The following KCNMA1 variants were observed in gnomAD, a reference collection of about 807,000 sequenced individuals.
KCNMA1 encodes potassium calcium-activated channel subfamily M alpha 1, also known as Calcium-activated potassium channel subunit alpha-1.
KCNMA1 carries 29 observed loss-of-function variants against 140.0 expected under a neutral mutation model. The observed-to-expected ratio is 0.21, with a 90% CI of 0.15 to 0.28. The LOEUF is 0.28. KCNMA1 is among the 10% of genes least tolerant of loss of function. The probability of loss-of-function intolerance (pLI) is 1.00; values close to 1 mark genes in which losing one functional copy is unlikely to be tolerated. For missense variants in KCNMA1, 880 were observed against 1,602.2 expected (o/e 0.55, Z 7.70); for synonymous variants, 612 against 611.9 (o/e 1.00, Z 0.00).
At chr10:77,132,825 T>G (rs2097894258) in intron 5 of KCNMA1, among the ~76,000 whole-genome samples, 3 of 152,160 alleles carry the variant, frequency 2.0e-5, no homozygotes, top group Admixed American at 2.0e-4. Flanking sequence ...AATATATACT[T>G]AGCCAGTTGA....
At chr10:77,138,791 T>G (rs1473924649) in intron 5 of KCNMA1, among the ~76,000 whole-genome samples, 1 of 152,194 alleles carries the variant, frequency 6.6e-6, no homozygotes, top group African/African-American at 2.4e-5. Flanking sequence ...CAGAAACATT[T>G]CCCAGTTCGT....
At chr10:77,299,341 C>T (rs186718892) in intron 2 of KCNMA1, among the ~76,000 whole-genome samples, 1 of 152,200 alleles carries the variant, frequency 6.6e-6, no homozygotes, top group Non-Finnish European at 1.5e-5. Context: ...CATTTTAAAG[C>T]TTGCAGTGAG....
At chr10:77,295,634 A>G (rs2074737310) in intron 2 of KCNMA1, among the ~76,000 whole-genome samples, 1 of 145,354 alleles carries the variant, frequency 6.9e-6, no homozygotes. Flanking sequence ...ACAAAAAATT[A>G]GCCGGGCGCG....
intron 2 of KCNMA1, among the ~76,000 whole-genome samples, chr10:77,279,540 A>G (rs1253968943): frequency 6.6e-6 from 1 of 152,240 alleles, no homozygotes; most frequent in Non-Finnish European, 1.5e-5. Context: ...TCACAGAAGC[A>G]GGGAGATAAA....
chr10:77,607,189 T>C (rs749786851), intron 1 of KCNMA1, among the ~76,000 whole-genome samples: 1 of 152,158 alleles, frequency 6.6e-6, no homozygotes, highest in Non-Finnish European at 1.5e-5. Flanking sequence ...AGAAGCTACG[T>C]GGTATCACTT....
chr10:77,438,616 T>C (rs1442810734), intron 1 of KCNMA1, among the ~76,000 whole-genome samples: 1 of 151,072 alleles, frequency 6.6e-6, no homozygotes, highest in Non-Finnish European at 1.5e-5. Flanking sequence ...CACTACTCTA[T>C]GATATGTTGT....
chr10:76,896,088 G>A (rs182164587), intron 25 of KCNMA1, among the ~76,000 whole-genome samples: 171 of 152,300 alleles, frequency 1.1e-3, no homozygotes, highest in African/African-American at 3.5e-3. Context: ...AGAATTTGCC[G>A]GGCTGGAATT....
intron 2 of KCNMA1, among the ~76,000 whole-genome samples, chr10:77,254,437 G>T (rs1600150398): frequency 1.1e-4 from 16 of 151,934 alleles, no homozygotes; most frequent in Admixed American, 1.0e-3. Flanking sequence ...TGGCCAGGCT[G>T]GTCTCAAACT....
intron 2 of KCNMA1, among the ~76,000 whole-genome samples, chr10:77,305,381 C>T (rs921277556): frequency 6.6e-6 from 1 of 152,130 alleles, no homozygotes; most frequent in Non-Finnish European, 1.5e-5. Context: ...AGGTTGAGGG[C>T]ATGGGTCTCA....
intron 23 of KCNMA1, among the ~76,000 whole-genome samples, chr10:76,936,600 T>C (rs1207834057): frequency 2.0e-5 from 3 of 152,146 alleles, no homozygotes; most frequent in African/African-American, 7.2e-5. Flanking sequence ...AAATGTTATA[T>C]GGGAGCAGCT....
At chr10:77,423,010 G>C (rs1214654801) in intron 1 of KCNMA1, among the ~76,000 whole-genome samples, 1 of 152,216 alleles carries the variant, frequency 6.6e-6, no homozygotes, top group Non-Finnish European at 1.5e-5. Flanking sequence ...TCTGGCCAAG[G>C]CCTTATTCTT....
chr10:76,883,907 G>A, downstream of KCNMA1: 2 of 626,058 alleles, frequency 3.2e-6, no homozygotes. Flanking sequence ...TAGTAATTTT[G>A]GCAAATAAAA....
intron 2 of KCNMA1, among the ~76,000 whole-genome samples, chr10:77,390,207 C>T (rs2095764779): frequency 6.6e-6 from 1 of 152,212 alleles, no homozygotes; most frequent in African/African-American, 2.4e-5. Flanking sequence ...AGGGAATTGA[C>T]TTGTCCAAGG....
At chr10:77,515,456 T>C (rs1407262635) in intron 1 of KCNMA1, among the ~76,000 whole-genome samples, 2 of 152,014 alleles carry the variant, frequency 1.3e-5, no homozygotes, top group Non-Finnish European at 2.9e-5. Context: ...CTCTCATAGG[T>C]AGGATGGGGT....
chr10:77,313,124 G>A (rs547384120), intron 2 of KCNMA1, among the ~76,000 whole-genome samples: 1 of 152,192 alleles, frequency 6.6e-6, no homozygotes, highest in South Asian at 2.1e-4. Flanking sequence ...ACTCCGCGTT[G>A]GTCTGTGATG....
intron 1 of KCNMA1, among the ~76,000 whole-genome samples, chr10:77,453,001 G>A (rs1404094123): frequency 3.9e-5 from 6 of 152,162 alleles, no homozygotes; most frequent in African/African-American, 1.4e-4. Flanking sequence ...GTACCTAGCT[G>A]ACGGGGTTGC....
chr10:76,969,819 C>G (rs1310353568), intron 20 of KCNMA1, among the ~76,000 whole-genome samples, 155 bp downstream of exon 20: 2 of 152,190 alleles, frequency 1.3e-5, no homozygotes, highest in Non-Finnish European at 2.9e-5. Context: ...ATAAATACTC[C>G]AGCCTTTAAG....
chr10:77,380,858 G>A (rs530330662), intron 2 of KCNMA1, among the ~76,000 whole-genome samples: 1 of 152,322 alleles, frequency 6.6e-6, no homozygotes, highest in South Asian at 2.1e-4. Flanking sequence ...TTTACTTCAT[G>A]CACCTTAGTG....
intron 14 of KCNMA1, among the ~76,000 whole-genome samples, chr10:77,070,860 G>A (rs2096177438): frequency 6.6e-6 from 1 of 152,136 alleles, no homozygotes; most frequent in African/African-American, 2.4e-5. Flanking sequence ...TGTGAATAAG[G>A]CATCTCTATT....
Sources: gnomAD v4.1 joint callset for allele counts (sites outside exome capture counted in the v4.1 genomes callset) on GRCh38, gnomAD v4.1.1 for gene constraint, MANE v1.5 for transcripts, NCBI Gene and HGNC (gene_info 2026-07-23, HGNC 2026-07-21) for gene names.